The following NAV2 variants were observed in gnomAD, a reference collection of about 807,000 sequenced individuals.
NAV2 encodes the protein helicase, APC down-regulated 1.
In NAV2, 54 loss-of-function variants were observed where a neutral mutation model predicts 223.2. That is an observed-to-expected ratio of 0.24 (90% CI 0.19 to 0.30). NAV2 has a LOEUF of 0.30. NAV2 is among the 10% of genes least tolerant of loss of function. NAV2 has a pLI of 1.00. For synonymous variants in NAV2, 1,279 were observed against 1,239.3 expected (o/e 1.03, Z -0.67); for missense variants, 2,806 against 3,147.5 (o/e 0.89, Z 2.60).
At chr11:19,628,159 C>T (rs372436971) in intron 1 of NAV2, among the ~76,000 whole-genome samples, 8 of 152,172 alleles carry the variant, frequency 5.3e-5, no homozygotes, top group African/African-American at 1.7e-4. Flanking sequence ...CCTGGATGCT[C>T]CCCATCCGGT....
At chr11:19,620,520 C>T (rs2046958390) in intron 1 of NAV2, among the ~76,000 whole-genome samples, 2 of 152,140 alleles carry the variant, frequency 1.3e-5, no homozygotes, top group South Asian at 4.1e-4. Flanking sequence ...CTCTTTGAAG[C>T]AATTGTGAAT....
chr11:19,605,172 T>C (rs1210291468), intron 1 of NAV2, among the ~76,000 whole-genome samples: 1 of 152,172 alleles, frequency 6.6e-6, no homozygotes. Context: ...GCTGCCTGTT[T>C]TTTGAAAGGT....
chr11:19,610,327 T>TAAC (rs1484097957), intron 1 of NAV2, among the ~76,000 whole-genome samples: 236 of 152,310 alleles, frequency 1.5e-3, no homozygotes, highest in African/African-American at 5.4e-3. Context: ...TAATAACCTA[T>TAAC]ATTTGGATGA....
chr11:20,102,364 G>C (rs2061700349), intron 32 of NAV2, among the ~76,000 whole-genome samples: 1 of 152,174 alleles, frequency 6.6e-6, no homozygotes. Context: ...TAGCATCTAA[G>C]ACAGGCCAGT....
chr11:19,685,492 A>G (rs1487779482), intron 1 of NAV2, among the ~76,000 whole-genome samples: 2 of 152,144 alleles, frequency 1.3e-5, no homozygotes, highest in African/African-American at 4.8e-5. Flanking sequence ...GCGGGCTCCA[A>G]GATAATGTTA....
At chr11:19,462,521 C>A (rs1852202476) in intron 1 of NAV2, among the ~76,000 whole-genome samples, 1 of 152,188 alleles carries the variant, frequency 6.6e-6, no homozygotes, top group Non-Finnish European at 1.5e-5. Flanking sequence ...AAGCTATCTT[C>A]AATGAGTGAA....
chr11:19,363,758 A>G (rs1286090839), intron 1 of NAV2, among the ~76,000 whole-genome samples: 2 of 152,228 alleles, frequency 1.3e-5, no homozygotes, highest in Non-Finnish European at 2.9e-5. Context: ...TCTCACTGAA[A>G]GTTCCCAAGA....
chr11:19,405,686 A>G (rs577942026), intron 1 of NAV2, among the ~76,000 whole-genome samples: 1 of 152,370 alleles, frequency 6.6e-6, no homozygotes, highest in East Asian at 1.9e-4. Context: ...TGACTTTTAC[A>G]TTGGATTGAG....
chr11:19,464,856 A>G (rs1852294504), intron 1 of NAV2, among the ~76,000 whole-genome samples: 1 of 152,268 alleles, frequency 6.6e-6, no homozygotes, highest in South Asian at 2.1e-4. Flanking sequence ...CTCAGAATGC[A>G]CTTTTCAGGG....
intron 6 of NAV2, among the ~76,000 whole-genome samples, chr11:19,929,637 G>C (rs1453116179): frequency 6.6e-6 from 1 of 152,030 alleles, no homozygotes; most frequent in Non-Finnish European, 1.5e-5. Flanking sequence ...CTGATTCTTT[G>C]AGTTTTAATC....
chr11:19,665,220 G>C (rs1275551907), intron 1 of NAV2, among the ~76,000 whole-genome samples: 2 of 152,222 alleles, frequency 1.3e-5, no homozygotes, highest in African/African-American at 4.8e-5. Flanking sequence ...TGCAACCTCT[G>C]CAGGAACAGC....
chr11:20,045,687 A>G lies in NAV2; in HGVS notation c.3902+17A>G, dbSNP rs768147335. On this transcript the variant is annotated intron_variant, in intron 14 of 37. Transcript: ENST00000349880. ...ACTCCGCAGGTAAGTGAGTACATAA[A>G]TGGTGCAGAGCAGAACCAGAATACA... The G allele has an allele frequency of 6.3e-7, 1 of 1,589,098 alleles. No homozygotes were observed. Among genetic ancestry groups the G allele is most frequent in the African/African-American group, 1.3e-5 (1 of 74,444 alleles).
chr11:20,065,855 G>A (rs1464281421), intron 20 of NAV2, among the ~76,000 whole-genome samples: 1 of 152,218 alleles, frequency 6.6e-6, no homozygotes, highest in African/African-American at 2.4e-5. Context: ...CCATTAACTT[G>A]TACCCTTTGG....
At chr11:19,654,116 A>C (rs2048049333) in intron 1 of NAV2, among the ~76,000 whole-genome samples, 1 of 152,236 alleles carries the variant, frequency 6.6e-6, no homozygotes, top group Non-Finnish European at 1.5e-5. Context: ...CAGAGAGCCA[A>C]ATCATGAGTG....
At chr11:19,359,372 G>A (rs904204185) in intron 1 of NAV2, among the ~76,000 whole-genome samples, 1 of 152,158 alleles carries the variant, frequency 6.6e-6, no homozygotes, top group Non-Finnish European at 1.5e-5. Context: ...ATTTCCACGG[G>A]TCCATGGTGA....
chr11:19,830,149 C>T lies in NAV2; in HGVS notation c.268-2335C>T, dbSNP rs189494237. On this transcript the variant is annotated intron_variant, in intron 1 of 37. Transcript: ENST00000349880. ...CTGAAGCAGGAGAATTTCTTGAACC[C>T]GGGAGGCGGAGGTTGCAGTGAGCCG... Among the ~76,000 whole-genome samples the T allele has an allele frequency of 1.8e-3, 274 of 152,206 alleles. 1 individual carries two copies. The highest frequency in any genetic ancestry group is 2.9e-3 in the Admixed American group (44 of 15,286).
At chr11:19,772,523 A>G (rs1339640810) in intron 1 of NAV2, among the ~76,000 whole-genome samples, 1 of 152,210 alleles carries the variant, frequency 6.6e-6, no homozygotes, top group Non-Finnish European at 1.5e-5. Flanking sequence ...TACTATGGCT[A>G]GGGTTTTCAT....
chr11:19,631,373 T>C (rs2047341838), intron 1 of NAV2, among the ~76,000 whole-genome samples: 1 of 152,206 alleles, frequency 6.6e-6, no homozygotes, highest in Non-Finnish European at 1.5e-5. Context: ...TTTTTGTCCT[T>C]GTGATAGTTT....
chr11:20,028,203 C>T (rs1256658626), intron 11 of NAV2, among the ~76,000 whole-genome samples: 2 of 152,164 alleles, frequency 1.3e-5, no homozygotes, highest in Non-Finnish European at 2.9e-5. Context: ...TGCATTTTTT[C>T]ATAGCAAATC....
Sources: gnomAD v4.1 joint callset for allele counts (sites outside exome capture counted in the v4.1 genomes callset) on GRCh38, gnomAD v4.1.1 for gene constraint, MANE v1.5 for transcripts, NCBI Gene and HGNC (gene_info 2026-07-23, HGNC 2026-07-21) for gene names.